GLIS3: variants seen among roughly 807,000 people sequenced by gnomAD.
GLIS3 encodes the protein zinc finger protein GLIS3.
Under a neutral mutation model 78.6 loss-of-function variants are expected in GLIS3, and 53 were observed. That is an observed-to-expected ratio of 0.67 (90% confidence interval 0.54 to 0.85). GLIS3 has a LOEUF of 0.85. GLIS3 is among the 40% of genes least tolerant of loss of function. The pLI is 0.00. For synonymous variants in GLIS3, 684 were observed against 509.9 expected, an observed-to-expected ratio of 1.34 and a Z score of -4.60; for missense variants, 1,703 against 1,231.1, an observed-to-expected ratio of 1.38 and a Z score of -5.74.
chr9:3,866,059 T>G (rs1169929376), intron 8 of GLIS3, among the ~76,000 whole-genome samples: 1 of 152,150 alleles, frequency 6.6e-6, no homozygotes, highest in Non-Finnish European at 1.5e-5. Flanking sequence ...AACAATTGCC[T>G]GCTCTGGGAT....
At chr9:4,263,949 C>T (rs146697881) in intron 2 of GLIS3, among the ~76,000 whole-genome samples, 1 of 152,238 alleles carries the variant, frequency 6.6e-6, no homozygotes, top group African/African-American at 2.4e-5. Flanking sequence ...TTGGGTTGGT[C>T]CTTTGCAGTC....
chr9:3,874,385 T>G (rs561133545), intron 8 of GLIS3, among the ~76,000 whole-genome samples: 1 of 152,240 alleles, frequency 6.6e-6, no homozygotes, highest in Non-Finnish European at 1.5e-5. Context: ...CCTTCCCGTA[T>G]GCCTTGACCT....
At chr9:4,102,538 A>G (rs1830447807) in intron 4 of GLIS3, among the ~76,000 whole-genome samples, 1 of 152,164 alleles carries the variant, frequency 6.6e-6, no homozygotes, top group Non-Finnish European at 1.5e-5. Context: ...AGAAGGTGCT[A>G]TCGGCATCTG....
At chr9:3,848,028 C>T (rs1819167303) in intron 9 of GLIS3, among the ~76,000 whole-genome samples, 1 of 152,208 alleles carries the variant, frequency 6.6e-6, no homozygotes. Flanking sequence ...AAATCTATTA[C>T]AATGTTGATT....
chr9:4,460,104 G>A, the GLIS3 span, among the ~76,000 whole-genome samples: 6 of 152,110 alleles, frequency 3.9e-5, no homozygotes, highest in Admixed American at 3.3e-4. Flanking sequence ...TACCCATCAA[G>A]CAATTATGGC....
chr9:4,248,173 T>G (rs113815371), intron 2 of GLIS3, among the ~76,000 whole-genome samples: 9 of 152,158 alleles, frequency 5.9e-5, no homozygotes, highest in African/African-American at 2.2e-4. Flanking sequence ...CGTGACATAA[T>G]GGTTTGCTGC....
intron 3 of GLIS3, among the ~76,000 whole-genome samples, chr9:4,125,036 G>C (rs1017852361): frequency 2.6e-5 from 4 of 152,200 alleles, no homozygotes; most frequent in African/African-American, 9.6e-5. Flanking sequence ...CTGAGGGGGT[G>C]ATTTCCCTTT....
Position 4,118,368 on chromosome 9 carries a change from C to G in GLIS3, c.1110G>C (p.Lys370Asn). 2 of 1,592,360 alleles carry G rather than the reference C, an allele frequency of 1.3e-6. No homozygotes were observed. Among genetic ancestry groups the G allele is most frequent in the Non-Finnish European group, 1.7e-6 (2 of 1,173,260 alleles). Residue 370 changes from lysine to asparagine, a missense_variant, in exon 4 of 11, where the codon AAG (lysine) becomes AAC (asparagine). Physicochemically the swap from Lys to Asn is moderately conservative, Grantham distance 94. Transcript: ENST00000381971. This position sits in a 1 kb window ranked among gnomAD's most constrained non-coding sequence, Gnocchi z 4.7. ...GGCCTCCAGGGGCCACCAGCACGCC[C>G]TTCTGGCTGCCGGGCACCGGGCGCG... The part of the protein sequence containing the change: ...PQPRPVPGSQ[K>N]GVLVAPGGLA...
chr9:3,936,994 G>A (rs1212809738), intron 5 of GLIS3, 34 bp downstream of exon 5: 1 of 1,611,732 alleles, frequency 6.2e-7, no homozygotes, highest in East Asian at 2.2e-5. Flanking sequence ...ACCAGGCGCT[G>A]GGTTGGAAAC....
intron 2 of GLIS3, among the ~76,000 whole-genome samples, chr9:4,261,645 C>A (rs1825538525): frequency 6.6e-6 from 1 of 152,160 alleles, no homozygotes. Flanking sequence ...TAGAATGCCC[C>A]TGAGCGAATG....
At chr9:4,391,134 C>A in the GLIS3 span, among the ~76,000 whole-genome samples, 1 of 152,206 alleles carries the variant, frequency 6.6e-6, no homozygotes, top group Non-Finnish European at 1.5e-5. Context: ...CCTCTTCAGT[C>A]TGTAATATTC....
chr9:4,432,716 C>T, the GLIS3 span, among the ~76,000 whole-genome samples: 1 of 147,214 alleles, frequency 6.8e-6, no homozygotes, highest in Non-Finnish European at 1.5e-5. Context: ...TCTTGGCTCA[C>T]TGTAAACTCC....
At chr9:4,016,962 C>T (rs933399644) in intron 4 of GLIS3, among the ~76,000 whole-genome samples, 1 of 152,178 alleles carries the variant, frequency 6.6e-6, no homozygotes, top group East Asian at 1.9e-4. Context: ...GATCCACAAG[C>T]CGAACAATCA....
At chr9:4,390,570 C>T in the GLIS3 span, among the ~76,000 whole-genome samples, 10 of 152,136 alleles carry the variant, frequency 6.6e-5, no homozygotes, top group Non-Finnish European at 4.4e-5. Flanking sequence ...AGGGTTTATA[C>T]GCTTATACCC....
chr9:4,083,161 G>C (rs1442850300), intron 4 of GLIS3, among the ~76,000 whole-genome samples: 1 of 152,168 alleles, frequency 6.6e-6, no homozygotes, highest in African/African-American at 2.4e-5. Flanking sequence ...ACTCATGCCT[G>C]TGGTTTCATC....
chr9:4,047,358 G>C (rs971777842), intron 4 of GLIS3, among the ~76,000 whole-genome samples: 1 of 152,234 alleles, frequency 6.6e-6, no homozygotes, highest in South Asian at 2.1e-4. Flanking sequence ...CTTGATAGTA[G>C]TGTGAAAACG....
At chr9:4,219,362 A>G (rs186939353) in intron 2 of GLIS3, among the ~76,000 whole-genome samples, 137 of 152,364 alleles carry the variant, frequency 9.0e-4, no homozygotes, top group African/African-American at 3.0e-3. Context: ...GTGGTATGAC[A>G]AGACAAGGGT....
At chr9:4,014,768 C>T (rs1002895312) in intron 4 of GLIS3, among the ~76,000 whole-genome samples, 3 of 152,186 alleles carry the variant, frequency 2.0e-5, no homozygotes, top group African/African-American at 7.2e-5. Flanking sequence ...ATCACCTCGT[C>T]CAATGCCTTC....
At chr9:4,197,945 A>G (rs1331304465) in intron 2 of GLIS3, among the ~76,000 whole-genome samples, 2 of 138,732 alleles carry the variant, frequency 1.4e-5, no homozygotes, top group African/African-American at 4.9e-5. Context: ...GGAGAGGGAA[A>G]GAGAAAGAGA....
Sources: gnomAD v4.1 joint callset for allele counts (sites outside exome capture counted in the v4.1 genomes callset) on GRCh38, gnomAD v4.1.1 for gene constraint, Gnocchi (gnomAD v3.1) non-coding constraint, MANE v1.5 for transcripts, NCBI Gene and HGNC (gene_info 2026-07-23, HGNC 2026-07-21) for gene names.